HS3ST4: variants seen among roughly 807,000 people sequenced by gnomAD.
HS3ST4 encodes heparan sulfate-glucosamine 3-sulfotransferase 4, also known as heparan sulfate glucosamine 3-O-sulfotransferase 4.
Under a neutral mutation model 29.2 loss-of-function variants are expected in HS3ST4, and 17 were observed. The observed-to-expected ratio is 0.58, with a 90% CI of 0.40 to 0.87. HS3ST4 has a LOEUF of 0.87. Among genes scored for constraint, HS3ST4 ranks in the 40% least tolerant of loss-of-function variants. The pLI is 0.00. For synonymous variants in HS3ST4, 314 were observed against 285.7 expected, an observed-to-expected ratio of 1.10 and a Z score of -1.00; for missense variants, 627 against 634.5, an observed-to-expected ratio of 0.99 and a Z score of 0.13.
At position 25,945,140 on chromosome 16, in the gene HS3ST4, C is replaced by G. The variant is rs1407458347; in HGVS notation, c.735-190472C>G. On this transcript the variant is annotated intron_variant, in intron 1 of 1. Coordinates refer to ENST00000331351, the MANE Select transcript of HS3ST4 (RefSeq NM_006040.3). ...CCATTTATAGTATAATGTATCAGAC[C>G]ATCTCCTACATGCTTACAAATATAT... 3.3e-5 allele frequency among the ~76,000 whole-genome samples: 5 copies of G among 152,058 alleles called. No homozygotes were observed. In the East Asian group the frequency reaches 9.7e-4, roughly 29 times the overall value.
chr16:25,942,507 C>T (rs114249339), intron 1 of HS3ST4, among the ~76,000 whole-genome samples: 1 of 152,134 alleles, frequency 6.6e-6, no homozygotes, highest in African/African-American at 2.4e-5. Flanking sequence ...TTCATCACCC[C>T]AGGCTGGCTT....
intron 1 of HS3ST4, among the ~76,000 whole-genome samples, chr16:26,072,140 A>G (rs1231093996): frequency 6.6e-6 from 1 of 152,202 alleles, no homozygotes; most frequent in Non-Finnish European, 1.5e-5. Flanking sequence ...TTCTGGGTCC[A>G]TAAGGGGCCA....
chr16:25,712,598 TAA>T (rs1175874167), intron 1 of HS3ST4, among the ~76,000 whole-genome samples: 1 of 151,990 alleles, frequency 6.6e-6, no homozygotes, highest in Admixed American at 6.6e-5. Flanking sequence ...CAAAAATTGT[TAA>T]GAGTATTAGA....
chr16:25,915,437 G>A (rs990773995), intron 1 of HS3ST4, among the ~76,000 whole-genome samples: 2 of 152,076 alleles, frequency 1.3e-5, no homozygotes, highest in East Asian at 1.9e-4. Flanking sequence ...TCTTCTTGAC[G>A]TTTTTGAGGA....
chr16:25,906,437 A>T (rs1968181441), intron 1 of HS3ST4, among the ~76,000 whole-genome samples: 1 of 152,158 alleles, frequency 6.6e-6, no homozygotes, highest in Admixed American at 6.5e-5. Context: ...TAATATTTTA[A>T]ATGCTTATTA....
intron 1 of HS3ST4, among the ~76,000 whole-genome samples, chr16:26,036,713 G>A (rs935298809): frequency 6.6e-6 from 1 of 152,166 alleles, no homozygotes; most frequent in African/African-American, 2.4e-5. Flanking sequence ...CCAGTTTTCT[G>A]CAGACTGAAG....
intron 1 of HS3ST4, among the ~76,000 whole-genome samples, chr16:26,002,681 T>A (rs1596640948): frequency 7.3e-5 from 7 of 96,514 alleles, no homozygotes; most frequent in South Asian, 3.4e-4. Context: ...GAGAAAGAGA[T>A]AGAGAAAAAA....
chr16:25,941,407 C>T (rs1381095068), intron 1 of HS3ST4, among the ~76,000 whole-genome samples: 1 of 147,546 alleles, frequency 6.8e-6, no homozygotes. Flanking sequence ...ATCTGCCCCA[C>T]CTTGGCCACC....
intron 1 of HS3ST4, among the ~76,000 whole-genome samples, chr16:25,780,250 C>A (rs915236000): frequency 6.6e-6 from 1 of 152,138 alleles, no homozygotes; most frequent in African/African-American, 2.4e-5. Context: ...CAAGCCCCGA[C>A]CTTTCCATAT....
intron 1 of HS3ST4, among the ~76,000 whole-genome samples, chr16:25,697,128 A>G (rs1465666543): frequency 6.6e-6 from 1 of 152,224 alleles, no homozygotes; most frequent in Non-Finnish European, 1.5e-5. Context: ...ATTATTTAAA[A>G]AATATCTACC....
At position 25,692,967 on chromosome 16, in the gene HS3ST4, G is replaced by A. The variant is rs1292713474; in HGVS notation, c.550G>A (p.Gly184Ser). The change falls in exon 1 of 2, where the codon GGC becomes AGC. Residue 184 changes from glycine to serine, a missense_variant. Gly to Ser is a moderately conservative substitution (Grantham distance 56). Coordinates refer to ENST00000331351, the MANE Select transcript of HS3ST4 (RefSeq NM_006040.3). ...RRAANGSSERGGAVSTPDYGE... is the reference protein window; with the variant it reads ...RRAANGSSERSGAVSTPDYGE... ...AGCGGCCAACGGGAGCAGCGAGAGG[G>A]GCGGCGCCGTCAGCACCCCCGACTA... The A allele has an allele frequency of 8.7e-6, 14 of 1,610,862 alleles. No homozygotes were observed. Among genetic ancestry groups the A allele is most frequent in the Non-Finnish European group, 1.2e-5 (14 of 1,179,178 alleles).
At chr16:25,784,519 T>C (rs906116531) in intron 1 of HS3ST4, among the ~76,000 whole-genome samples, 1 of 152,222 alleles carries the variant, frequency 6.6e-6, no homozygotes, top group African/African-American at 2.4e-5. Flanking sequence ...CACAGCTTTA[T>C]TGCTGATATG....
At chr16:26,066,036 A>T (rs926195287) in intron 1 of HS3ST4, among the ~76,000 whole-genome samples, 11 of 152,252 alleles carry the variant, frequency 7.2e-5, no homozygotes, top group Admixed American at 1.3e-4. Context: ...GGTGGACATG[A>T]GATCCATACA....
At chr16:25,752,676 A>G (rs938683889) in intron 1 of HS3ST4, among the ~76,000 whole-genome samples, 4 of 152,218 alleles carry the variant, frequency 2.6e-5, no homozygotes, top group Admixed American at 6.5e-5. Flanking sequence ...CAAACCATAC[A>G]TTAAACAAAG....
chr16:26,017,778 A>G (rs185198832), intron 1 of HS3ST4, among the ~76,000 whole-genome samples: 89 of 152,322 alleles, frequency 5.8e-4, no homozygotes, highest in Non-Finnish European at 8.8e-4. Context: ...GGGATAGAAC[A>G]TAGGGTTAGG....
At chr16:25,930,877 A>G (rs994599159) in intron 1 of HS3ST4, among the ~76,000 whole-genome samples, 15 of 152,120 alleles carry the variant, frequency 9.9e-5, no homozygotes, top group Non-Finnish European at 2.1e-4. Context: ...TGATCCAATG[A>G]CCATGAGTTT....
At chr16:25,778,008 G>A (rs191673319) in intron 1 of HS3ST4, among the ~76,000 whole-genome samples, 3 of 152,244 alleles carry the variant, frequency 2.0e-5, no homozygotes, top group Admixed American at 1.3e-4. Context: ...TGGAAATAGT[G>A]TTTGATTGCT....
intron 1 of HS3ST4, among the ~76,000 whole-genome samples, chr16:26,038,844 C>T (rs113680778): frequency 0.023 from 3,497 of 152,050 alleles, 76 homozygotes; most frequent in African/African-American, 0.057. Context: ...CCACCACGCC[C>T]GGCTAATTCT....
chr16:25,699,726 TAGA>T (rs1265322540), intron 1 of HS3ST4, among the ~76,000 whole-genome samples: 2 of 152,224 alleles, frequency 1.3e-5, no homozygotes, highest in Non-Finnish European at 2.9e-5. Context: ...AGCTGTGGAA[TAGA>T]AGCAACATGG....
Sources: allele counts gnomAD v4.1 joint callset (sites outside exome capture counted in the v4.1 genomes callset), GRCh38; gene constraint gnomAD v4.1.1; transcripts MANE v1.5; gene names NCBI Gene and HGNC (gene_info 2026-07-23, HGNC 2026-07-21).